The following CEP170 variants were observed in gnomAD, a reference collection of about 807,000 sequenced individuals.
The protein encoded by CEP170 is centrosomal protein of 170 kDa.
A neutral mutation model predicts 151.9 loss-of-function variants in CEP170; 21 were observed. The ratio of observed to expected loss-of-function variants is 0.14; its 90% CI spans 0.10 to 0.20. CEP170 has a LOEUF of 0.20. Among genes scored for constraint, CEP170 ranks in the 10% least tolerant of loss-of-function variants. The pLI is 1.00. For synonymous variants in CEP170, 356 were observed against 648.8 expected (o/e 0.55, Z 6.86); for missense variants, 964 against 1,892.9 (o/e 0.51, Z 9.11).
intron 2 of CEP170, among the ~76,000 whole-genome samples, chr1:243,223,810 A>G (rs2063012233): frequency 6.6e-6 from 1 of 152,252 alleles, no homozygotes; most frequent in Non-Finnish European, 1.5e-5. Flanking sequence ...TAGTACTCAC[A>G]GAATAAGACA....
intron 3 of CEP170, among the ~76,000 whole-genome samples, chr1:243,216,452 G>A (rs1473002947): frequency 6.6e-6 from 1 of 151,528 alleles, no homozygotes; most frequent in Non-Finnish European, 1.5e-5. Flanking sequence ...AGAACATCTG[G>A]TGTTTGGTTT....
chr1:243,150,295 T>C (rs1184953204), intron 14 of CEP170, among the ~76,000 whole-genome samples: 2 of 152,028 alleles, frequency 1.3e-5, no homozygotes, highest in Non-Finnish European at 2.9e-5. Context: ...GGATTACAGG[T>C]GCATGCCATC....
rs1012739625 is a variant in CEP170 at position 243,245,110 on chromosome 1, G to A, written c.-42+9930C>T. Among the ~76,000 whole-genome samples, 12 of 152,302 alleles carry A rather than the reference G, an allele frequency of 7.9e-5. 1 individual carries two copies. Among genetic ancestry groups the A allele is most frequent in the Admixed American group, 4.6e-4 (7 of 15,304 alleles). On this transcript the variant is annotated intron_variant, in intron 1 of 19. Transcript: ENST00000366542. ...CAGAAGTATGGTGATCCTAGAATCT[G>A]CTACAAGTGAATATAATGATGAACA...
intron 1 of CEP170, among the ~76,000 whole-genome samples, chr1:243,226,672 A>G (rs1482457984): frequency 2.6e-5 from 4 of 152,194 alleles, no homozygotes; most frequent in African/African-American, 9.7e-5. Flanking sequence ...ATATTAATGA[A>G]CTTTTCACAC....
chr1:243,218,849 T>C (rs563734468), intron 3 of CEP170, among the ~76,000 whole-genome samples: 48 of 152,306 alleles, frequency 3.2e-4, no homozygotes, highest in Middle Eastern at 3.4e-3. Context: ...TTCTATTTTT[T>C]AAAAAATTGA....
At chr1:243,139,259 G>A (rs540009615) in intron 16 of CEP170, among the ~76,000 whole-genome samples, 5 of 151,960 alleles carry the variant, frequency 3.3e-5, no homozygotes, top group Non-Finnish European at 5.9e-5. Flanking sequence ...ATGCCACCAC[G>A]CCCGGCTAAT....
At chr1:243,231,875 G>A (rs2063792740) in intron 1 of CEP170, among the ~76,000 whole-genome samples, 1 of 152,092 alleles carries the variant, frequency 6.6e-6, no homozygotes, top group Admixed American at 6.5e-5. Context: ...TTCATTTAAA[G>A]TGATTAATAA....
intron 4 of CEP170, among the ~76,000 whole-genome samples, chr1:243,204,831 T>G (rs2061305784): frequency 6.6e-6 from 1 of 152,120 alleles, no homozygotes; most frequent in South Asian, 2.1e-4. Context: ...GGATTCAACT[T>G]TACATTCAAC....
At chr1:243,253,071 T>C (rs974184233) in intron 1 of CEP170, 1 of 152,210 alleles carries the variant, frequency 6.6e-6, no homozygotes, top group African/African-American at 2.4e-5. Flanking sequence ...TAAAATACTA[T>C]TGATTTTCAA....
chr1:243,178,114 A>G (rs1484227947), intron 10 of CEP170, among the ~76,000 whole-genome samples: 1 of 152,050 alleles, frequency 6.6e-6, no homozygotes, highest in African/African-American at 2.4e-5. Flanking sequence ...GGATCACCTG[A>G]GGTCAGGAGT....
rs1043317686 is a variant in CEP170 at position 243,250,191 on chromosome 1, C to T, written c.-42+4849G>A. 2.0e-5 allele frequency among the ~76,000 whole-genome samples: 3 copies of T among 152,256 alleles called. No homozygotes were observed. In the South Asian group the frequency reaches 6.2e-4, roughly 32 times the overall value. On this transcript the variant is annotated intron_variant, in intron 1 of 19. Coordinates refer to ENST00000366542, the MANE Select transcript of CEP170 (RefSeq NM_014812.3). ...CTCCCAGCATCTTTTATTTATGTAA[C>T]ATTCATTCTATTTATAAATGTGCAT... is the stretch of plus-strand genomic sequence containing the variant.
chr1:243,169,726 C>A lies in CEP170; in HGVS notation c.1745G>T (p.Arg582Leu), dbSNP rs199702413. ...CAAACTAGCCCACTGTGAAACCCAA[C>A]GTTTGCTTCCAGATGAAGATGTGCC... is the stretch of plus-strand genomic sequence containing the variant. ...EEGTSSSGSK[R>L]WVSQWASLAA... Residue 582 changes from arginine to leucine, a missense_variant, in exon 12 of 20, where the codon CGT becomes CTT. Transcript: ENST00000366542. 1.2e-6 allele frequency: 2 copies of A among 1,613,544 alleles called. No individual in the cohort carries two copies. The highest frequency in any genetic ancestry group is 3.3e-5 in the Admixed American group (2 of 59,948).
intron 2 of CEP170, among the ~76,000 whole-genome samples, chr1:243,222,632 A>G (rs2062916922): frequency 6.6e-6 from 1 of 152,222 alleles, no homozygotes; most frequent in Non-Finnish European, 1.5e-5. Flanking sequence ...ACTAAAAGCA[A>G]AGAGAGTATC....
chr1:243,138,936 T>A (rs2055464177), intron 16 of CEP170, among the ~76,000 whole-genome samples: 1 of 152,182 alleles, frequency 6.6e-6, no homozygotes, highest in African/African-American at 2.4e-5. Context: ...CAACCACACA[T>A]AAGAAAGCCT....
At chr1:243,245,830 C>T (rs2065334787) in intron 1 of CEP170, among the ~76,000 whole-genome samples, 1 of 151,942 alleles carries the variant, frequency 6.6e-6, no homozygotes, top group South Asian at 2.1e-4. Context: ...CCTACAGTCC[C>T]AGCTACCTGG....
At chr1:243,190,436 C>T (rs1240522020) in intron 8 of CEP170, among the ~76,000 whole-genome samples, 1 of 152,036 alleles carries the variant, frequency 6.6e-6, no homozygotes, top group Non-Finnish European at 1.5e-5. Flanking sequence ...GAACATTCAA[C>T]TCTAATTTTC....
At position 243,134,736 on chromosome 1, in the gene CEP170, C is replaced by T. The variant is rs550569009; in HGVS notation, c.4319+1407G>A. Among the ~76,000 whole-genome samples, 998 of 151,668 alleles carry T rather than the reference C, an allele frequency of 6.6e-3. 13 individuals are homozygous for T. The highest frequency in any genetic ancestry group is 0.023 in the African/African-American group (941 of 41,310). ...CTTCAAGTCCTAGGCTCAAATGATCCGCCTGCCTTGGCCTCCCAAAGTGCT... is the reference window on the plus strand; with the variant it reads ...CTTCAAGTCCTAGGCTCAAATGATCTGCCTGCCTTGGCCTCCCAAAGTGCT... On this transcript the variant is annotated intron_variant, in intron 17 of 19. Transcript: ENST00000366542.
At chr1:243,157,545 T>G (rs1011591592) in intron 13 of CEP170, among the ~76,000 whole-genome samples, 2 of 152,358 alleles carry the variant, frequency 1.3e-5, no homozygotes, top group East Asian at 1.9e-4. Flanking sequence ...TGTAAACATT[T>G]ACTTTTCCGA....
intron 4 of CEP170, among the ~76,000 whole-genome samples, chr1:243,202,619 T>A (rs541019349): frequency 4.5e-4 from 68 of 152,090 alleles, no homozygotes; most frequent in Middle Eastern, 3.4e-3. Context: ...ATTATTGAAG[T>A]TTTTCATTCT....
Sources: gnomAD v4.1 joint callset for allele counts (sites outside exome capture counted in the v4.1 genomes callset) on GRCh38, gnomAD v4.1.1 for gene constraint, MANE v1.5 for transcripts, NCBI Gene and HGNC (gene_info 2026-07-23, HGNC 2026-07-21) for gene names.